Variants in MEAK7 observed in about 807,000 individuals in gnomAD.
MEAK7 encodes the protein MTOR associated protein MEAK7.
A neutral mutation model predicts 40.5 loss-of-function variants in MEAK7; 68 were observed. The ratio of observed to expected loss-of-function variants is 1.68; its 90% CI spans 1.38 to 2.06. The LOEUF (loss-of-function observed/expected upper bound fraction) is 2.06. MEAK7 is among the 30% of genes most tolerant of loss of function. The probability of loss-of-function intolerance (pLI) is 0.00; values close to 1 mark genes in which losing one functional copy is unlikely to be tolerated. For missense variants in MEAK7, 918 were observed against 580.5 expected, an observed-to-expected ratio of 1.58 and a Z score of -5.98; for synonymous variants, 338 against 231.9, an observed-to-expected ratio of 1.46 and a Z score of -4.16.
intron 3 of MEAK7, among the ~76,000 whole-genome samples, chr16:84,489,745 T>C (rs1913408003): frequency 6.6e-6 from 1 of 152,100 alleles, no homozygotes; most frequent in Admixed American, 6.5e-5. Flanking sequence ...GCCCAGGAGC[T>C]ACCCCCTCCA....
At position 84,491,595 on chromosome 16, in the gene MEAK7, T is replaced by A. The variant is rs71384820; in HGVS notation, c.385-2173A>T. ...GACTCACGCCTATAATCCCAGCACTTTGGGAGGCCGAGGCAGGTGGATCAC... is the reference window on the plus strand; with the variant it reads ...GACTCACGCCTATAATCCCAGCACTATGGGAGGCCGAGGCAGGTGGATCAC... On this transcript the variant is annotated intron_variant, in intron 3 of 7. Coordinates refer to ENST00000343629, the MANE Select transcript of MEAK7 (RefSeq NM_020947.4). Among the ~76,000 whole-genome samples the A allele has an allele frequency of 2.1e-3, 305 of 148,066 alleles. 3 individuals carry two copies. Among genetic ancestry groups the A allele is most frequent in the Middle Eastern group, 7.5e-3 (2 of 268 alleles).
chr16:84,491,255 C>T (rs966550236), intron 3 of MEAK7, among the ~76,000 whole-genome samples: 2 of 151,890 alleles, frequency 1.3e-5, no homozygotes, highest in East Asian at 1.9e-4. Flanking sequence ...GTCTGGCCAA[C>T]GTGGTGAAAC....
chr16:84,479,547 T>G lies in MEAK7; in HGVS notation c.*366A>C, dbSNP rs540152513. 1 of 163,064 alleles carries G rather than the reference T, an allele frequency of 6.1e-6. No homozygotes were observed. Among genetic ancestry groups the G allele is most frequent in the South Asian group, 2.0e-4 (1 of 4,898 alleles). The allele number at this position is 163,064 out of a possible 1,614,324, so 10.1% of individuals were successfully genotyped here. A position where few individuals can be genotyped will look rare whatever the true frequency, so the allele number is the denominator to read the frequency against. On this transcript the variant is annotated 3_prime_UTR_variant, in exon 8 of 8. Coordinates refer to ENST00000343629, the MANE Select transcript of MEAK7 (RefSeq NM_020947.4). The stretch of plus-strand genomic sequence containing the variant: ...CCCTAATGCCAGCGGAATTCCCTAA[T>G]GCCAGCGGAATTCCCTAATGCCAGC...
chr16:84,500,762 G>A (rs1914431527), intron 1 of MEAK7, among the ~76,000 whole-genome samples: 1 of 152,040 alleles, frequency 6.6e-6, no homozygotes, highest in Non-Finnish European at 1.5e-5. Context: ...GAAACAGAGG[G>A]GCTGCACCGG....
At position 84,480,736 on chromosome 16, in the gene MEAK7, G is replaced by T. The variant is rs772214098; in HGVS notation, c.1078-28C>A. The T allele has an allele frequency of 2.5e-6, 4 of 1,585,406 alleles. No individual in the cohort carries two copies. In the South Asian group the frequency reaches 4.6e-5, roughly 18 times the overall value. On this transcript the variant is annotated intron_variant, in intron 6 of 7. Transcript: ENST00000343629. ...GCAAAGGAAGCCAGGACAGAGAATA[G>T]CATCAGCAACTCCTCAGGGTCTGTG...
At chr16:84,492,867 C>G (rs548781047) in intron 3 of MEAK7, among the ~76,000 whole-genome samples, 11 of 152,306 alleles carry the variant, frequency 7.2e-5, no homozygotes, top group Admixed American at 2.0e-4. Context: ...CAGGCGTCAG[C>G]CACTACGCCC....
At chr16:84,497,564 AT>A in intron 2 of MEAK7, 1 of 1,297,218 alleles carries the variant, frequency 7.7e-7, no homozygotes, top group Non-Finnish European at 1.0e-6. Context: ...GAGGCAGGCT[AT>A]CTCTCTCCTC....
At position 84,477,518 on chromosome 16, in the gene MEAK7, G is replaced by C. The variant is rs919576747; in HGVS notation, c.*2395C>G. The C allele has an allele frequency of 1.3e-5, 2 of 149,382 alleles. No homozygotes were observed. The highest frequency in any genetic ancestry group is 2.1e-4 in the South Asian group (1 of 4,732). The allele number at this position is 149,382 out of a possible 1,614,324, so 9.3% of individuals were successfully genotyped here. On this transcript the variant is annotated 3_prime_UTR_variant, in exon 8 of 8. Transcript: ENST00000343629. The stretch of plus-strand genomic sequence containing the variant: ...AGACTTTTTTTTAATTAAAAAATAT[G>C]GTGGGAGAAAATAATAGCTTGCAAT...
At chr16:84,500,792 G>A (rs1477958036) in intron 1 of MEAK7, among the ~76,000 whole-genome samples, 1 of 152,046 alleles carries the variant, frequency 6.6e-6, no homozygotes, top group African/African-American at 2.4e-5. Flanking sequence ...GGTGCTGCAG[G>A]GACACAGCCC....
In MEAK7 at chr16:84,495,873, C is replaced by A; in HGVS notation, c.194G>T (p.Arg65Met). 6.2e-7 allele frequency: 1 copy of A among 1,614,106 alleles called. No individual in the cohort carries two copies. Among genetic ancestry groups the A allele is most frequent in the South Asian group, 1.1e-5 (1 of 91,082 alleles). The change falls in exon 3 of 8, where the codon AGG (arginine) becomes ATG (methionine). Residue 65 changes from arginine to methionine, a missense_variant. Physicochemically the swap from Arg to Met is moderately conservative, Grantham distance 91. Coordinates refer to ENST00000343629, the MANE Select transcript of MEAK7 (RefSeq NM_020947.4). ...GEALPPEMVT[R>M]LYDGMRRVDL... ...GACCCTCCGCATGCCATCATACAGC[C>A]TGGTGACCATCTCTGGGGGAAGAGC...
rs1040030122 is a variant in MEAK7, at chr16:84,477,558, T to C, written c.*2355A>G. 3 of 137,432 alleles carry C rather than the reference T, an allele frequency of 2.2e-5. No individual in the cohort carries two copies. The highest frequency in any genetic ancestry group is 3.2e-5 in the Non-Finnish European group (2 of 63,410). 8.5% of individuals were successfully genotyped at this position (137,432 alleles called of 1,614,324 possible). A position where few individuals can be genotyped will look rare whatever the true frequency, so the allele number is the denominator to read the frequency against. ...TAGCTTGCAATGTGGCAATCATTTA[T>C]AATAGTTTGCAACGCGGACAAATTT... On this transcript the variant is annotated 3_prime_UTR_variant, in exon 8 of 8. Transcript: ENST00000343629.
At chr16:84,503,566 T>C (rs1271810875) in intron 1 of MEAK7, among the ~76,000 whole-genome samples, 1 of 152,164 alleles carries the variant, frequency 6.6e-6, no homozygotes, top group Non-Finnish European at 1.5e-5. Flanking sequence ...TTAATAAGCA[T>C]CATTAATTAA....
chr16:84,503,862 G>A, intron 1 of MEAK7: 1 of 886,240 alleles, frequency 1.1e-6, no homozygotes, highest in Non-Finnish European at 1.4e-6. Flanking sequence ...TCTCCAACAG[G>A]CTGTTACATG....
chr16:84,482,804 C>T (rs1912695035), intron 5 of MEAK7, 94 bp from the exon 6 acceptor site: 2 of 1,548,340 alleles, frequency 1.3e-6, no homozygotes, highest in East Asian at 4.8e-5. Context: ...CAGGAAGCAA[C>T]AGGGCCAAGA....
rs759992133 is a variant in MEAK7 at position 84,487,110 on chromosome 16, G to A, written c.530-51C>T. The A allele has an allele frequency of 6.5e-6, 10 of 1,549,934 alleles. No individual in the cohort carries two copies. The South Asian group carries it at 1.1e-4, about 17-fold the overall frequency. On this transcript the variant is annotated intron_variant, in intron 4 of 7. Transcript: ENST00000343629. Reference sequence around the variant, plus strand: ...AGTGGGGCTGTTATGTCACCATTTAGCTACTATCTAAACCCACACTGATCA... The same window carrying A: ...AGTGGGGCTGTTATGTCACCATTTAACTACTATCTAAACCCACACTGATCA...
At chr16:84,487,115 T>C in intron 4 of MEAK7, 56 bp from the exon 5 acceptor site, 1 of 1,534,870 alleles carries the variant, frequency 6.5e-7, no homozygotes, top group Non-Finnish European at 8.8e-7. Flanking sequence ...ATTTAGCTAC[T>C]ATCTAAACCC....
chr16:84,485,630 C>CTATG lies in MEAK7; in HGVS notation c.958+1000_958+1001insCATA, dbSNP rs1257666827. ...GACGCATCTGTAAACATTTCAAAAA[C>CTATG]TATCTATCTATCCATCCATCCATCC... On this transcript the variant is annotated intron_variant, in intron 5 of 7. Transcript: ENST00000343629. Among the ~76,000 whole-genome samples the CTATG allele has an allele frequency of 2.0e-3, 122 of 59,700 alleles. No individual in the cohort carries two copies. In the Middle Eastern group the frequency reaches 0.028, roughly 14 times the overall value. 39.2% of individuals were successfully genotyped at this position (59,700 alleles called of 152,430 possible). A position where few individuals can be genotyped will look rare whatever the true frequency, so the allele number is the denominator to read the frequency against.
intron 6 of MEAK7, among the ~76,000 whole-genome samples, chr16:84,481,242 T>G (rs1020830978): frequency 1.3e-4 from 20 of 152,286 alleles, no homozygotes; most frequent in Non-Finnish European, 2.4e-4. Context: ...CCACCCTCAG[T>G]CACATGGCTG....
chr16:84,492,016 T>C (rs1366484263), intron 3 of MEAK7, among the ~76,000 whole-genome samples: 1 of 152,072 alleles, frequency 6.6e-6, no homozygotes, highest in Non-Finnish European at 1.5e-5. Context: ...CTGAAAACAA[T>C]TAAAGCCTCA....
Sources: gnomAD v4.1 joint callset for allele counts (sites outside exome capture counted in the v4.1 genomes callset) on GRCh38, gnomAD v4.1.1 for gene constraint, MANE v1.5 for transcripts, NCBI Gene and HGNC (gene_info 2026-07-23, HGNC 2026-07-21) for gene names.